Variants in TTC7B observed in about 807,000 individuals in gnomAD.
TTC7B encodes the protein tetratricopeptide repeat protein 7B.
A neutral mutation model predicts 106.8 loss-of-function variants in TTC7B; 28 were observed. The ratio of observed to expected loss-of-function variants is 0.26; its 90% confidence interval spans 0.19 to 0.36. The LOEUF (loss-of-function observed/expected upper bound fraction) is 0.36, where lower values mean the gene tolerates loss of function less well. TTC7B is among the 10% of genes least tolerant of loss of function. TTC7B has a pLI of 1.00. For synonymous variants in TTC7B, 405 were observed against 430.6 expected, an observed-to-expected ratio of 0.94 and a Z score of 0.74; for missense variants, 862 against 1,076.4, an observed-to-expected ratio of 0.80 and a Z score of 2.79.
At position 90,653,021 on chromosome 14, in the gene TTC7B, GCCC is replaced by G. The variant is rs1566819612; in HGVS notation, c.1460-126_1460-124del. On this transcript the variant is annotated intron_variant, in intron 12 of 19. Coordinates refer to ENST00000328459, the MANE Select transcript of TTC7B (RefSeq NM_001010854.2). ...AGCAACAATGTCTGAGTGCCTACGT[GCCC>G]AGTCCTGCACCAGGCCCTGGAGAAG... 8.0e-5 allele frequency: 78 copies of G among 970,118 alleles called. No individual in the cohort carries two copies. In the African/African-American group the frequency reaches 9.7e-4, roughly 12 times the overall value. 60.1% of individuals were successfully genotyped at this position (970,118 alleles called of 1,614,324 possible). A position where few individuals can be genotyped will look rare whatever the true frequency, so the allele number is the denominator to read the frequency against.
intron 3 of TTC7B, chr14:90,767,024 AT>A: frequency 5.2e-6 from 4 of 773,098 alleles, no homozygotes; most frequent in East Asian, 5.6e-5. Flanking sequence ...AATAGTTTAT[AT>A]ACCAAAAAAA....
Position 90,555,186 on chromosome 14 carries a change from T to C in TTC7B, c.2311-13597A>G, listed in dbSNP as rs183504702. On this transcript the variant is annotated intron_variant, in intron 19 of 19. Coordinates refer to ENST00000328459, the MANE Select transcript of TTC7B (RefSeq NM_001010854.2). ...ACCAGGAAACACATTCCAACAGTCC[T>C]TCCCTGATGGTCAGCTGACCCTGGA... 4.1e-3 allele frequency among the ~76,000 whole-genome samples: 618 copies of C among 152,320 alleles called. 1 individual carries two copies. Among genetic ancestry groups the C allele is most frequent in the Non-Finnish European group, 7.2e-3 (492 of 68,026 alleles).
rs570090250 is a variant in TTC7B, at chr14:90,545,075, A to C, written c.2311-3486T>G. Among the ~76,000 whole-genome samples, 4 of 152,300 alleles carry C rather than the reference A, an allele frequency of 2.6e-5. No individual in the cohort carries two copies. In the South Asian group the frequency reaches 8.3e-4, roughly 32 times the overall value. On this transcript the variant is annotated intron_variant, in intron 19 of 19. Transcript: ENST00000328459. ...TTACTACTGCTTTAGATACAAGAAG[A>C]CACAGTTCAGAAAGGCCACGTTCTT...
chr14:90,727,593 C>T (rs1889158232), intron 5 of TTC7B, among the ~76,000 whole-genome samples: 1 of 152,200 alleles, frequency 6.6e-6, no homozygotes, highest in Non-Finnish European at 1.5e-5. Context: ...CCAAGTCCAC[C>T]AGTTCCGCAG....
chr14:90,760,958 C>CGTAG (rs2140016774), intron 3 of TTC7B, among the ~76,000 whole-genome samples: 1 of 152,300 alleles, frequency 6.6e-6, no homozygotes, highest in African/African-American at 2.4e-5. Flanking sequence ...TTCCCTCTAC[C>CGTAG]CTCCAAGGAA....
At chr14:90,591,898 C>T (rs1255643393) in intron 18 of TTC7B, among the ~76,000 whole-genome samples, 1 of 152,218 alleles carries the variant, frequency 6.6e-6, no homozygotes, top group East Asian at 1.9e-4. Context: ...GCCAGAATGT[C>T]TGGGACCTCT....
intron 4 of TTC7B, among the ~76,000 whole-genome samples, chr14:90,736,193 G>A (rs1889517955): frequency 6.6e-6 from 1 of 151,284 alleles, no homozygotes; most frequent in African/African-American, 2.4e-5. Flanking sequence ...AACTACATTT[G>A]GAAATTAAAA....
intron 18 of TTC7B, among the ~76,000 whole-genome samples, chr14:90,580,250 C>A (rs548203769): frequency 6.6e-6 from 1 of 152,242 alleles, no homozygotes; most frequent in African/African-American, 2.4e-5. Context: ...AGGTAACTAA[C>A]AACAGCAGTA....
chr14:90,610,694 C>T (rs775095289), intron 17 of TTC7B, 48 bp downstream of exon 17: 1 of 1,380,758 alleles, frequency 7.2e-7, no homozygotes. Context: ...CCCAGGCCCC[C>T]ACATTCTCCA....
intron 9 of TTC7B, among the ~76,000 whole-genome samples, chr14:90,671,272 T>C (rs779862064): frequency 6.6e-6 from 1 of 152,240 alleles, no homozygotes; most frequent in Non-Finnish European, 1.5e-5. Context: ...AATGTCCTTT[T>C]GGTACAATCA....
intron 9 of TTC7B, among the ~76,000 whole-genome samples, chr14:90,666,319 G>A (rs529473316): frequency 2.3e-4 from 35 of 152,096 alleles, no homozygotes; most frequent in African/African-American, 7.7e-4. Context: ...GCGCCACCAC[G>A]CCTGGCTAAT....
chr14:90,535,451 C>T lies in TTC7B; in HGVS notation c.*5917G>A, dbSNP rs1889395025. 1 of 152,650 alleles carries T rather than the reference C, an allele frequency of 6.6e-6. No individual in the cohort carries two copies. The highest frequency in any genetic ancestry group is 2.4e-5 in the African/African-American group (1 of 41,438). 9.5% of individuals were successfully genotyped at this position (152,650 alleles called of 1,614,324 possible). A position where few individuals can be genotyped will look rare whatever the true frequency, so the allele number is the denominator to read the frequency against. The stretch of plus-strand genomic sequence containing the variant: ...GGCTTGGGGGTACCCAGGCCTCTGC[C>T]TCCCTGCTGCTGCTGCTCTGGGGAA... On this transcript the variant is annotated 3_prime_UTR_variant, in exon 20 of 20. Coordinates refer to ENST00000328459, the MANE Select transcript of TTC7B (RefSeq NM_001010854.2).
At chr14:90,741,166 G>A (rs1265083250) in intron 4 of TTC7B, among the ~76,000 whole-genome samples, 6 of 152,144 alleles carry the variant, frequency 3.9e-5, no homozygotes, top group Non-Finnish European at 8.8e-5. Context: ...CAGCTCCCTC[G>A]AGGGGAAGCC....
At chr14:90,621,869 G>A (rs146965367) in intron 15 of TTC7B, among the ~76,000 whole-genome samples, 59 of 152,318 alleles carry the variant, frequency 3.9e-4, no homozygotes, top group African/African-American at 1.2e-3. Context: ...CTGGCTGGGT[G>A]TATGTTACAT....
intron 19 of TTC7B, among the ~76,000 whole-genome samples, chr14:90,558,158 G>A (rs528945626): frequency 4.6e-5 from 7 of 152,384 alleles, no homozygotes; most frequent in South Asian, 4.1e-4. Context: ...GCCAGCCTCC[G>A]TGCCAGGGTG....
intron 18 of TTC7B, among the ~76,000 whole-genome samples, chr14:90,585,113 T>C (rs1412428387): frequency 6.6e-6 from 1 of 152,192 alleles, no homozygotes; most frequent in Non-Finnish European, 1.5e-5. Context: ...CATGCTGGGA[T>C]CTGAAGTCCC....
At chr14:90,635,097 T>C (rs906105752) in intron 15 of TTC7B, among the ~76,000 whole-genome samples, 3 of 152,124 alleles carry the variant, frequency 2.0e-5, no homozygotes, top group Non-Finnish European at 4.4e-5. Context: ...TGTGAGAAAA[T>C]GTTTGAGCCT....
chr14:90,704,561 A>G (rs1888129082), intron 5 of TTC7B, among the ~76,000 whole-genome samples: 1 of 152,184 alleles, frequency 6.6e-6, no homozygotes, highest in South Asian at 2.1e-4. Context: ...CGCAAAACAA[A>G]GGCATCCCAG....
intron 19 of TTC7B, among the ~76,000 whole-genome samples, chr14:90,553,755 C>G (rs1890185529): frequency 6.6e-6 from 1 of 152,220 alleles, no homozygotes; most frequent in African/African-American, 2.4e-5. Context: ...CCACTCTCCC[C>G]ACCTCCCTGA....
Sources: allele counts gnomAD v4.1 joint callset (sites outside exome capture counted in the v4.1 genomes callset), GRCh38; gene constraint gnomAD v4.1.1; transcripts MANE v1.5; gene names NCBI Gene and HGNC (gene_info 2026-07-23, HGNC 2026-07-21).